The following DISP1 variants were observed in gnomAD, a reference collection of about 807,000 sequenced individuals.
The protein encoded by DISP1 is protein dispatched homolog 1.
DISP1 carries 30 observed loss-of-function variants against 37.3 expected under a neutral mutation model. The ratio of observed to expected loss-of-function variants is 0.80; its 90% CI spans 0.60 to 1.09. DISP1 has a LOEUF of 1.09. Among genes scored for constraint, DISP1 ranks in the 50% least tolerant of loss-of-function variants. The pLI is 0.00. For synonymous variants in DISP1, 634 were observed against 690.2 expected, an observed-to-expected ratio of 0.92 and a Z score of 1.28; for missense variants, 1,598 against 1,879.5, an observed-to-expected ratio of 0.85 and a Z score of 2.77.
intron 3 of DISP1, among the ~76,000 whole-genome samples, chr1:222,951,741 T>C (rs1454105872): frequency 6.6e-5 from 10 of 152,198 alleles, no homozygotes. Flanking sequence ...TGGAGACAGG[T>C]GGAAACTGCA....
intron 1 of DISP1, among the ~76,000 whole-genome samples, chr1:222,822,670 A>G (rs1663230040): frequency 6.6e-6 from 1 of 152,244 alleles, no homozygotes; most frequent in Non-Finnish European, 1.5e-5. Flanking sequence ...TTTCTGTTTT[A>G]CAATTCTACA....
At chr1:222,899,631 T>C (rs1015936515) in intron 1 of DISP1, 3 of 152,220 alleles carry the variant, frequency 2.0e-5, no homozygotes, top group Admixed American at 2.0e-4. Flanking sequence ...TAGGCTGTAG[T>C]GCAGTGGCAT....
chr1:222,967,009 T>C (rs1676545160), intron 3 of DISP1, among the ~76,000 whole-genome samples: 1 of 152,092 alleles, frequency 6.6e-6, no homozygotes, highest in South Asian at 2.1e-4. Context: ...AGGGAGATGA[T>C]TTCCCTTCAG....
At position 222,936,587 on chromosome 1, in the gene DISP1, TGA is replaced by T. The variant is rs71742733; in HGVS notation, c.-17-6215_-17-6214del. 7.7e-3 allele frequency among the ~76,000 whole-genome samples: 138 copies of T among 17,822 alleles called. 2 individuals carry two copies. The highest frequency in any genetic ancestry group is 0.02 in the South Asian group (5 of 250). 11.7% of individuals were successfully genotyped at this position (17,822 alleles called of 152,430 possible). ...TTATATATAATATATATCATATATATGAGAGATATATATCTCTCATATATATG... is the reference window on the plus strand; with the variant it reads ...TTATATATAATATATATCATATATATGAGATATATATCTCTCATATATATG... On this transcript the variant is annotated intron_variant, in intron 2 of 8. Coordinates refer to ENST00000675850, the MANE Select transcript of DISP1 (RefSeq NM_001377229.1).
At chr1:222,932,578 G>A (rs1673468371) in intron 2 of DISP1, among the ~76,000 whole-genome samples, 2 of 151,902 alleles carry the variant, frequency 1.3e-5, no homozygotes, top group African/African-American at 2.4e-5. Flanking sequence ...GTATATTTTT[G>A]GTTATACAAT....
Position 222,991,533 on chromosome 1 carries a change from G to C in DISP1, c.677G>C (p.Arg226Thr). 6 of 1,613,784 alleles carry C rather than the reference G, an allele frequency of 3.7e-6. No individual in the cohort carries two copies. Among genetic ancestry groups the C allele is most frequent in the Non-Finnish European group, 5.1e-6 (6 of 1,179,818 alleles). The change falls in exon 6 of 9, where the codon AGA becomes ACA. Residue 226 changes from arginine to threonine, a missense_variant. Coordinates refer to ENST00000675850, the MANE Select transcript of DISP1 (RefSeq NM_001377229.1). ...ATTTTGCCTTAGGGTTTTGAACCAA[G>C]AGGAACAGCAATAGGCCAGAGATTG... Reference protein sequence around the residue: ...FSDPLLGFEPRGTAIGQRLVT... With the variant: ...FSDPLLGFEPTGTAIGQRLVT...
At chr1:222,849,650 A>G (rs1049813505) in intron 1 of DISP1, among the ~76,000 whole-genome samples, 1 of 152,220 alleles carries the variant, frequency 6.6e-6, no homozygotes, top group Non-Finnish European at 1.5e-5. Flanking sequence ...AGCACATACT[A>G]GTAGACTGTT....
At chr1:222,990,436 AC>A (rs1678616800) in intron 4 of DISP1, among the ~76,000 whole-genome samples, 188 bp from the exon 5 acceptor site, 4 of 152,254 alleles carry the variant, frequency 2.6e-5, no homozygotes, top group Admixed American at 1.3e-4. Context: ...TACTACAATT[AC>A]ATACAAATAT....
intron 1 of DISP1, among the ~76,000 whole-genome samples, chr1:222,882,204 A>G (rs1052715423): frequency 1.2e-4 from 19 of 152,204 alleles, no homozygotes; most frequent in Non-Finnish European, 2.6e-4. Context: ...AGTGTTTACC[A>G]TATGTATTCA....
intron 8 of DISP1, 42 bp downstream of exon 8, chr1:222,995,024 G>A: frequency 2.0e-6 from 3 of 1,495,254 alleles, no homozygotes; most frequent in Non-Finnish European, 2.8e-6. Flanking sequence ...CACAAATAAG[G>A]TTGTATTATT....
intron 1 of DISP1, among the ~76,000 whole-genome samples, chr1:222,877,936 G>A (rs1403402616): frequency 2.0e-5 from 3 of 152,170 alleles, no homozygotes; most frequent in Non-Finnish European, 4.4e-5. Context: ...GCTGAAGAGA[G>A]GCCAGCGAAA....
intron 1 of DISP1, among the ~76,000 whole-genome samples, chr1:222,851,608 C>G (rs1668239097): frequency 6.6e-6 from 1 of 152,060 alleles, no homozygotes; most frequent in Admixed American, 6.6e-5. Context: ...AACTTCATCC[C>G]CAGGTGATTC....
In DISP1 at chr1:223,003,702, A is replaced by C; in HGVS notation, c.2305A>C (p.Lys769Gln). ...HPFERYDAEY[K>Q]KLFMFERVHH... ...TTTTGAGCGTTATGATGCTGAATAC[A>C]AAAAGCTTTTCATGTTTGAACGTGT... is the stretch of plus-strand genomic sequence containing the variant. Residue 769 changes from lysine to glutamine, a missense_variant, in exon 9 of 9, where the codon AAA becomes CAA. Lys to Gln is a moderately conservative substitution (Grantham distance 53, BLOSUM62 1). Coordinates refer to ENST00000675850, the MANE Select transcript of DISP1 (RefSeq NM_001377229.1). The surrounding 1 kb of genome is among the most constrained non-coding windows in gnomAD (Gnocchi z 4.3). 1 of 1,614,140 alleles carries C rather than the reference A, an allele frequency of 6.2e-7. No individual in the cohort carries two copies. The highest frequency in any genetic ancestry group is 1.3e-5 in the African/African-American group (1 of 75,014).
Position 222,992,093 on chromosome 1 carries a change from T to G in DISP1, c.872T>G (p.Phe291Cys), listed in dbSNP as rs772977935. ...GACTGGAACTTCCACAAGGACAGCT[T>G]TTTCTGCGACGTTCCAAGTGAGTGA... ...EVDWNFHKDS[F>C]FCDVPSDRYS... The change falls in exon 7 of 9, where the codon TTT becomes TGT. Residue 291 changes from phenylalanine to cysteine, a missense_variant. Transcript: ENST00000675850. 1 of 1,613,680 alleles carries G rather than the reference T, an allele frequency of 6.2e-7. No individual in the cohort carries two copies. Among genetic ancestry groups the G allele is most frequent in the African/African-American group, 1.3e-5 (1 of 75,014 alleles).
intron 3 of DISP1, among the ~76,000 whole-genome samples, chr1:222,953,406 T>C (rs1675370866): frequency 6.6e-6 from 1 of 152,176 alleles, no homozygotes; most frequent in African/African-American, 2.4e-5. Context: ...AATAAAGACA[T>C]GATGTGTTCC....
chr1:222,936,967 AAAT>A (rs1183290420), intron 2 of DISP1, among the ~76,000 whole-genome samples: 6 of 88,976 alleles, frequency 6.7e-5, no homozygotes, highest in Non-Finnish European at 1.3e-4. Flanking sequence ...TATTATTTAT[AAAT>A]AATATTTTAT....
At chr1:222,964,951 A>C (rs1028595299) in intron 3 of DISP1, among the ~76,000 whole-genome samples, 1 of 152,056 alleles carries the variant, frequency 6.6e-6, no homozygotes, top group African/African-American at 2.4e-5. Context: ...TTCTGGTTTC[A>C]TGCTTCTGTC....
Position 223,002,625 on chromosome 1 carries a change from A to G in DISP1, c.1228A>G (p.Lys410Glu). The part of the protein sequence containing the change: ...DMAARRKDQL[K>E]CTNVPRKCTK... Reference sequence around the variant, plus strand: ...GGCAGCCAGAAGAAAGGACCAGCTCAAGTGCACCAATGTGCCACGCAAATG... The same window carrying G: ...GGCAGCCAGAAGAAAGGACCAGCTCGAGTGCACCAATGTGCCACGCAAATG... The change falls in exon 9 of 9, where the codon AAG becomes GAG. Residue 410 changes from lysine (K) to glutamate (E), a missense_variant. By Grantham distance (56) the Lys-to-Glu change is moderately conservative. Transcript: ENST00000675850. 1.2e-6 allele frequency: 2 copies of G among 1,614,210 alleles called. No homozygotes were observed. The highest frequency in any genetic ancestry group is 1.7e-6 in the Non-Finnish European group (2 of 1,180,032).
At chr1:222,924,293 G>T (rs1310790166) in intron 1 of DISP1, among the ~76,000 whole-genome samples, 1 of 152,048 alleles carries the variant, frequency 6.6e-6, no homozygotes, top group Admixed American at 6.6e-5. Context: ...GTAAAATTGG[G>T]ATTTATCTTA....
Sources: gnomAD v4.1 joint callset for allele counts (sites outside exome capture counted in the v4.1 genomes callset) on GRCh38, gnomAD v4.1.1 for gene constraint, Gnocchi (gnomAD v3.1) non-coding constraint, MANE v1.5 for transcripts, NCBI Gene and HGNC (gene_info 2026-07-23, HGNC 2026-07-21) for gene names.